FHL1: variants seen among roughly 807,000 people sequenced by gnomAD.
FHL1 encodes four and a half LIM domains protein 1.
Under a neutral mutation model 20.3 loss-of-function variants are expected in FHL1, and 1 was observed. The ratio of observed to expected loss-of-function variants is 0.05; its 90% CI spans 0.02 to 0.23. FHL1 has a LOEUF of 0.23. Among genes scored for constraint, FHL1 ranks in the 10% least tolerant of loss-of-function variants. The pLI, the probability that FHL1 is intolerant of heterozygous loss-of-function variation, is 1.00. For synonymous variants in FHL1, 82 were observed against 88.9 expected (o/e 0.92, Z 0.44); for missense variants, 177 against 234.0 (o/e 0.76, Z 1.59).
intron 2 of FHL1, among the ~76,000 whole-genome samples, chrX:136,174,421 C>A (rs2072948950): frequency 9.0e-6 from 1 of 111,580 alleles, no homozygotes; most frequent in South Asian, 3.8e-4. Context: ...TCTGATGCAG[C>A]AGGTCTAGAG....
At chrX:136,197,470 A>G (rs901058974) in intron 1 of FHL1, among the ~76,000 whole-genome samples, 8 of 112,055 alleles carry the variant, frequency 7.1e-5, no homozygotes, top group Non-Finnish European at 1.3e-4. Context: ...TTTCTTTTTT[A>G]TAAGATACAA....
upstream of FHL1, among the ~76,000 whole-genome samples, chrX:136,194,625 C>T (rs987495383): frequency 9.0e-6 from 1 of 111,422 alleles, no homozygotes; most frequent in African/African-American, 3.3e-5. Context: ...TATAAAGGTG[C>T]GTTGTAAACA....
chrX:136,175,472 T>C (rs1381137568), intron 2 of FHL1, among the ~76,000 whole-genome samples: 1 of 112,384 alleles, frequency 8.9e-6, no homozygotes, highest in Non-Finnish European at 1.9e-5. Flanking sequence ...TTGGGAAATG[T>C]GTTCTGAGAA....
At chrX:136,159,663 T>A (rs772121575) in intron 1 of FHL1, among the ~76,000 whole-genome samples, 5 of 112,263 alleles carry the variant, frequency 4.5e-5, no homozygotes, top group African/African-American at 9.7e-5. Context: ...AGGGGAAGTA[T>A]GAGGTTCCAG....
chrX:136,206,482 A>G lies in FHL1; in HGVS notation c.98A>G (p.Lys33Arg), dbSNP rs1245907750. ...CHYCRDPLQG[K>R]KYVQKDGHHC... ...TACTGCAGGGATCCCTTGCAGGGGA[A>G]GAAGTATGTGCAAAAGGATGGCCAC... is the stretch of plus-strand genomic sequence containing the variant. The change falls in exon 2 of 6, where the codon AAG becomes AGG. Residue 33 changes from lysine (K) to arginine (R), a missense_variant. Lys to Arg is a conservative substitution (Grantham distance 26). Transcript: ENST00000370683. The G allele has an allele frequency of 1.7e-6, 2 of 1,211,220 alleles. No individual in the cohort carries two copies. The highest frequency in any genetic ancestry group is 3.0e-5 in the East Asian group (1 of 33,781).
chrX:136,155,022 TA>T (rs2148267594), intron 1 of FHL1, among the ~76,000 whole-genome samples: 1 of 112,397 alleles, frequency 8.9e-6, no homozygotes, highest in Non-Finnish European at 1.9e-5. Flanking sequence ...CTGGCATTCT[TA>T]AAAAAATCAG....
intron 1 of FHL1, among the ~76,000 whole-genome samples, chrX:136,152,719 C>CAAAAAAAAAAAAAA (rs768022110): frequency 1.9e-5 from 1 of 53,032 alleles, no homozygotes. Context: ...GACTCCATCT[C>CAAAAAAAAAAAAAA]AAAAAAAAAA....
intron 1 of FHL1, among the ~76,000 whole-genome samples, chrX:136,153,151 GTTGTT>G (rs1030878282): frequency 5.4e-5 from 6 of 110,787 alleles, no homozygotes; most frequent in African/African-American, 1.6e-4. Context: ...TTCATATGGG[GTTGTT>G]TTGTTTTGAC....
chrX:136,171,176 G>A (rs970825136), intron 2 of FHL1, among the ~76,000 whole-genome samples: 2 of 111,052 alleles, frequency 1.8e-5, no homozygotes, highest in Non-Finnish European at 3.8e-5. Flanking sequence ...TGCTGGAGAT[G>A]GAATCTTCAT....
intron 2 of FHL1, among the ~76,000 whole-genome samples, chrX:136,183,088 C>T (rs2073197254): frequency 1.0e-5 from 1 of 96,667 alleles, no homozygotes; most frequent in African/African-American, 3.8e-5. Context: ...CAGAGCGAGA[C>T]TGTCTCAAAA....
In FHL1 at chrX:136,210,498, G is replaced by A. The variant is rs956064704; in HGVS notation, c.*473G>A. ...AGCAGGAAAAGAACCCTACTGACAT[G>A]CATGGTTTAACTTCCTCATCAGAAC... On this transcript the variant is annotated 3_prime_UTR_variant, in exon 6 of 6. Coordinates refer to ENST00000370683, the MANE Select transcript of FHL1 (RefSeq NM_001159699.2). 2 of 391,387 alleles carry A rather than the reference G, an allele frequency of 5.1e-6. No homozygotes were observed. The highest frequency in any genetic ancestry group is 9.6e-6 in the Non-Finnish European group (2 of 208,227). 32.3% of individuals were successfully genotyped at this position (391,387 alleles called of 1,213,427 possible).
intron 2 of FHL1, among the ~76,000 whole-genome samples, chrX:136,174,376 CTACTT>C (rs2072947649): frequency 9.0e-6 from 1 of 111,503 alleles, no homozygotes; most frequent in African/African-American, 3.3e-5. Context: ...TTCCTGTAGT[CTACTT>C]TGGTGCTTCT....
At chrX:136,146,729 C>T, upstream of FHL1, 1 of 326,609 alleles carries the variant, frequency 3.1e-6, no homozygotes, top group Non-Finnish European at 5.9e-6. Context: ...ATCACCAGAG[C>T]CCGGCACTGA....
upstream of FHL1, among the ~76,000 whole-genome samples, chrX:136,165,841 A>G (rs1268815140): frequency 8.9e-6 from 1 of 112,104 alleles, no homozygotes; most frequent in Non-Finnish European, 1.9e-5. Context: ...GAGTGATTGT[A>G]TGTGTTAAAT....
intron 2 of FHL1, among the ~76,000 whole-genome samples, chrX:136,180,226 T>C (rs1323828454): frequency 1.8e-5 from 2 of 112,224 alleles, no homozygotes. Flanking sequence ...CCCGCTTCGT[T>C]ATATGGTCAC....
upstream of FHL1, among the ~76,000 whole-genome samples, chrX:136,192,050 T>C (rs1220532709): frequency 1.8e-5 from 2 of 112,593 alleles, no homozygotes; most frequent in African/African-American, 6.5e-5. Context: ...ATCTAAAATG[T>C]GACAAAGATT....
At chrX:136,181,030 A>C in intron 2 of FHL1, among the ~76,000 whole-genome samples, 2 of 112,744 alleles carry the variant, frequency 1.8e-5, no homozygotes, top group South Asian at 7.3e-4. Flanking sequence ...GGCGTGAGCC[A>C]CCGCGCCCGG....
In FHL1 at chrX:136,210,623, C is replaced by G. The variant is rs776599036; in HGVS notation, c.*598C>G. 9.8e-5 allele frequency: 38 copies of G among 388,929 alleles called. No individual in the cohort carries two copies. Among genetic ancestry groups the G allele is most frequent in the Admixed American group, 8.5e-4 (29 of 34,111 alleles). The allele number at this position is 388,929 out of a possible 1,213,427, so 32.1% of individuals were successfully genotyped here. A position where few individuals can be genotyped will look rare whatever the true frequency, so the allele number is the denominator to read the frequency against. On this transcript the variant is annotated 3_prime_UTR_variant, in exon 6 of 6. Coordinates refer to ENST00000370683, the MANE Select transcript of FHL1 (RefSeq NM_001159699.2). ...GCTGTAATTCTAAACTGACCTTTCC[C>G]CGTACTAACGTTTGGTTTCCCCGTG...
chrX:136,163,383 A>G (rs1052812906), intron 1 of FHL1, among the ~76,000 whole-genome samples: 7 of 112,291 alleles, frequency 6.2e-5, no homozygotes, highest in African/African-American at 2.3e-4. Context: ...CTTGGCCTTT[A>G]GATTACAATG....
Sources: gnomAD v4.1 joint callset for allele counts (sites outside exome capture counted in the v4.1 genomes callset) on GRCh38, gnomAD v4.1.1 for gene constraint, MANE v1.5 for transcripts, NCBI Gene and HGNC (gene_info 2026-07-23, HGNC 2026-07-21) for gene names.